The following COL27A1 variants were observed in gnomAD, a reference collection of about 807,000 sequenced individuals.
COL27A1 encodes collagen alpha-1(XXVII) chain.
COL27A1 carries 106 observed loss-of-function variants against 251.3 expected under a neutral mutation model. That is an observed-to-expected ratio of 0.42 (90% CI 0.36 to 0.50). The LOEUF (loss-of-function observed/expected upper bound fraction) is 0.50, where lower values mean the gene tolerates loss of function less well. Ranked by LOEUF, COL27A1 falls within the 20% of genes least tolerant of loss-of-function variation. The pLI, the probability that COL27A1 is intolerant of heterozygous loss-of-function variation, is 0.00. For synonymous variants in COL27A1, 1,000 were observed against 986.3 expected, an observed-to-expected ratio of 1.01 and a Z score of -0.26; for missense variants, 2,325 against 2,522.8, an observed-to-expected ratio of 0.92 and a Z score of 1.68.
chr9:114,211,508 G>A (rs961185804), intron 12 of COL27A1, among the ~76,000 whole-genome samples: 8 of 152,260 alleles, frequency 5.3e-5, no homozygotes, highest in Non-Finnish European at 8.8e-5. Flanking sequence ...AGGCATGACC[G>A]AAAGAGGGGC....
chr9:114,259,479 T>G (rs2135565086), intron 28 of COL27A1, among the ~76,000 whole-genome samples: 1 of 152,250 alleles, frequency 6.6e-6, no homozygotes, highest in East Asian at 1.9e-4. Context: ...ATTATTGGAT[T>G]ACTTAACCTT....
At chr9:114,211,727 A>G (rs1230364538) in intron 12 of COL27A1, among the ~76,000 whole-genome samples, 1 of 152,228 alleles carries the variant, frequency 6.6e-6, no homozygotes, top group Non-Finnish European at 1.5e-5. Context: ...TGGCTGCTTG[A>G]GGCAGCCTCT....
At chr9:114,300,042 G>C in intron 49 of COL27A1, 28 bp from the exon 50 acceptor site, 2 of 1,613,390 alleles carry the variant, frequency 1.2e-6, no homozygotes, top group Non-Finnish European at 1.7e-6. Context: ...GAGCTCACTC[G>C]CTCCATCACT....
At chr9:114,265,303 C>A in intron 31 of COL27A1, 119 bp from the exon 32 acceptor site, 1 of 1,176,892 alleles carries the variant, frequency 8.5e-7, no homozygotes, top group South Asian at 1.4e-5. Flanking sequence ...TCAGCCTTCC[C>A]ATCTGTCACC....
At chr9:114,190,614 A>T (rs2135220372) in intron 5 of COL27A1, among the ~76,000 whole-genome samples, 1 of 152,112 alleles carries the variant, frequency 6.6e-6, no homozygotes, top group South Asian at 2.1e-4. Context: ...GTCTCACCCC[A>T]TCTCTGGGCC....
At chr9:114,210,887 C>A in intron 11 of COL27A1, 95 bp from the exon 12 acceptor site, 1 of 1,292,794 alleles carries the variant, frequency 7.7e-7, no homozygotes, top group Non-Finnish European at 1.1e-6. Flanking sequence ...CCCTCTGTGA[C>A]TTCCTGCCGT....
chr9:114,291,171 A>G (rs1037444463), intron 48 of COL27A1, among the ~76,000 whole-genome samples: 8 of 152,028 alleles, frequency 5.3e-5, no homozygotes, highest in Non-Finnish European at 8.8e-5. Flanking sequence ...TGAGTTGTCC[A>G]CGGGCGCCCT....
chr9:114,225,174 A>G (rs1176561517), intron 14 of COL27A1, among the ~76,000 whole-genome samples: 1 of 152,196 alleles, frequency 6.6e-6, no homozygotes, highest in Admixed American at 6.5e-5. Context: ...CTTTCGGCAA[A>G]TGGGAAAACT....
intron 14 of COL27A1, among the ~76,000 whole-genome samples, chr9:114,223,726 T>C (rs914336338): frequency 6.6e-6 from 1 of 152,190 alleles, no homozygotes; most frequent in African/African-American, 2.4e-5. Context: ...ATCACAATCC[T>C]GAGCAAAATT....
At position 114,237,703 on chromosome 9, in the gene COL27A1, C is replaced by T. The variant is rs765351566; in HGVS notation, c.2715C>T (p.Pro905=). 3.1e-6 allele frequency: 5 copies of T among 1,614,074 alleles called. No individual in the cohort carries two copies. The highest frequency in any genetic ancestry group is 3.4e-6 in the Non-Finnish European group (4 of 1,179,928). ...GDKGSIGFPG[P]PGPEGFPGDI... is the part of the protein sequence containing the mutation. ...AAGGATCCATTGGGTTTCCCGGGCCCCCTGGACCCGAGGTATGTGATGCCC... is the reference window on the plus strand; with the variant it reads ...AAGGATCCATTGGGTTTCCCGGGCCTCCTGGACCCGAGGTATGTGATGCCC... Residue 905 remains proline (P), a synonymous_variant, in exon 19 of 61, where the codon CCC becomes CCT. Coordinates refer to ENST00000356083, the MANE Select transcript of COL27A1 (RefSeq NM_032888.4).
chr9:114,180,267 G>C (rs540006594), intron 4 of COL27A1, among the ~76,000 whole-genome samples: 1 of 152,262 alleles, frequency 6.6e-6, no homozygotes, highest in African/African-American at 2.4e-5. Context: ...GCGTGCTGGA[G>C]GTGCTGGGCA....
intron 13 of COL27A1, among the ~76,000 whole-genome samples, chr9:114,221,532 C>G (rs1326955531): frequency 6.6e-6 from 1 of 152,202 alleles, no homozygotes; most frequent in Non-Finnish European, 1.5e-5. Context: ...GAGTTTTATT[C>G]TCACTTTTCC....
intron 1 of COL27A1, among the ~76,000 whole-genome samples, chr9:114,156,901 C>T (rs1182850251): frequency 6.6e-6 from 1 of 152,146 alleles, no homozygotes; most frequent in Non-Finnish European, 1.5e-5. Flanking sequence ...CGGCGCTCCT[C>T]TCTTTCCATC....
At chr9:114,175,446 C>A (rs1358507849) in intron 3 of COL27A1, among the ~76,000 whole-genome samples, 1 of 152,224 alleles carries the variant, frequency 6.6e-6, no homozygotes, top group Non-Finnish European at 1.5e-5. Flanking sequence ...CCCGTGCTCG[C>A]CACGAGCAAA....
At chr9:114,167,223 A>G (rs1049665152) in intron 2 of COL27A1, among the ~76,000 whole-genome samples, 4 of 152,180 alleles carry the variant, frequency 2.6e-5, no homozygotes. Flanking sequence ...CAGCAACAGC[A>G]TTTGGTTATT....
At chr9:114,303,929 C>T (rs1828845912) in intron 56 of COL27A1, among the ~76,000 whole-genome samples, 1 of 152,234 alleles carries the variant, frequency 6.6e-6, no homozygotes, top group Non-Finnish European at 1.5e-5. Flanking sequence ...AGAGGCTTCC[C>T]ATCACAACTG....
chr9:114,178,855 A>G (rs1386719145), intron 4 of COL27A1, among the ~76,000 whole-genome samples: 3 of 152,074 alleles, frequency 2.0e-5, no homozygotes, highest in African/African-American at 7.2e-5. Flanking sequence ...CCCGAGAGGG[A>G]AAATAGCTCC....
intron 56 of COL27A1, among the ~76,000 whole-genome samples, chr9:114,302,633 G>T (rs1384106065): frequency 6.6e-6 from 1 of 151,660 alleles, no homozygotes; most frequent in Non-Finnish European, 1.5e-5. Context: ...GGTTGAACCC[G>T]GGAGGAGGAG....
Position 114,259,620 on chromosome 9 carries a change from C to A in COL27A1, c.3195+1026C>A, listed in dbSNP as rs576105748. 1.3e-3 allele frequency among the ~76,000 whole-genome samples: 193 copies of A among 152,290 alleles called. 2 individuals are homozygous for A. Among genetic ancestry groups the A allele is most frequent in the African/African-American group, 4.4e-3 (182 of 41,564 alleles). The stretch of plus-strand genomic sequence containing the variant: ...AGGTTGAGTCACTTACCTCAAGTTG[C>A]ACAGCTAAAAAGTGGCAGAGCTGGG... On this transcript the variant is annotated intron_variant, in intron 28 of 60. Transcript: ENST00000356083.
Sources: gnomAD v4.1 joint callset for allele counts (sites outside exome capture counted in the v4.1 genomes callset) on GRCh38, gnomAD v4.1.1 for gene constraint, MANE v1.5 for transcripts, NCBI Gene and HGNC (gene_info 2026-07-23, HGNC 2026-07-21) for gene names.